RAD51AP1: variants seen among roughly 807,000 people sequenced by gnomAD.
The protein encoded by RAD51AP1 is RAD51-associated protein 1.
In RAD51AP1, 14 loss-of-function variants were observed where a neutral mutation model predicts 34.3. That is an observed-to-expected ratio of 0.41 (90% CI 0.27 to 0.64). The LOEUF is 0.64. Ranked by LOEUF, RAD51AP1 falls within the 30% of genes least tolerant of loss-of-function variation. The pLI, the probability that RAD51AP1 is intolerant of heterozygous loss-of-function variation, is 0.33. For missense variants in RAD51AP1, 348 were observed against 386.9 expected, an observed-to-expected ratio of 0.90 and a Z score of 0.84; for synonymous variants, 114 against 129.8, an observed-to-expected ratio of 0.88 and a Z score of 0.83.
chr12:4,548,345 A>C, intron 5 of RAD51AP1, among the ~76,000 whole-genome samples, 167 bp downstream of exon 5: 1 of 152,194 alleles, frequency 6.6e-6, no homozygotes, highest in South Asian at 2.1e-4. Context: ...GTCGTACTGC[A>C]GACACACATT....
At chr12:4,543,607 A>G (rs1391642018) in intron 2 of RAD51AP1, among the ~76,000 whole-genome samples, 156 bp from the exon 3 acceptor site, 3 of 152,212 alleles carry the variant, frequency 2.0e-5, no homozygotes, top group African/African-American at 7.2e-5. Context: ...AAATAGATAA[A>G]TGAGAGTAAA....
At chr12:4,555,887 A>G (rs1944578567) in intron 7 of RAD51AP1, among the ~76,000 whole-genome samples, 1 of 152,182 alleles carries the variant, frequency 6.6e-6, no homozygotes, top group South Asian at 2.1e-4. Context: ...ACTGAAGTCT[A>G]GTGACTAAAC....
intron 4 of RAD51AP1, 25 bp downstream of exon 4, chr12:4,546,443 G>A (rs755248214): frequency 2.6e-5 from 40 of 1,509,564 alleles, no homozygotes; most frequent in Middle Eastern, 3.4e-4. Context: ...TGTATATTTA[G>A]CTTTAAAACC....
At chr12:4,548,033 C>G in intron 4 of RAD51AP1, 59 bp from the exon 5 acceptor site, 3 of 1,481,638 alleles carry the variant, frequency 2.0e-6, no homozygotes, top group East Asian at 4.8e-5. Context: ...ACTAATTTTC[C>G]TATATCTAGA....
intron 5 of RAD51AP1, 144 bp from the exon 6 acceptor site, chr12:4,548,543 T>A (rs960228795): frequency 3.2e-6 from 3 of 949,034 alleles, no homozygotes; most frequent in Non-Finnish European, 3.1e-6. Flanking sequence ...TGACCCAGAT[T>A]GGGCTAATAG....
Position 4,543,779 on chromosome 12 carries a change from A to G in RAD51AP1, c.84A>G (p.Ala28=). Residue 28 remains alanine, a synonymous_variant, in exon 3 of 9, where the codon GCA becomes GCG. Transcript: ENST00000352618. ...CATGAATAGATGATTTTGTTTCTGC[A>G]ACTGTACCTTTAAACAAGAAATCCA... ...HSDSDDDFVS[A]TVPLNKKSRT... is the part of the protein sequence containing the mutation. 6.3e-7 allele frequency: 1 copy of G among 1,596,946 alleles called. No individual in the cohort carries two copies. Among genetic ancestry groups the G allele is most frequent in the Non-Finnish European group, 8.5e-7 (1 of 1,172,774 alleles).
At chr12:4,553,784 A>G (rs1175267916) in intron 7 of RAD51AP1, among the ~76,000 whole-genome samples, 3 of 152,156 alleles carry the variant, frequency 2.0e-5, no homozygotes, top group Non-Finnish European at 4.4e-5. Context: ...AGTATATGAT[A>G]GGTTATTGCA....
rs1944459499 is a variant in RAD51AP1 at position 4,540,583 on chromosome 12, A to G, written c.18-1301A>G. 2.0e-5 allele frequency among the ~76,000 whole-genome samples: 3 copies of G among 152,192 alleles called. No homozygotes were observed. In the South Asian group the frequency reaches 6.2e-4, roughly 31 times the overall value. ...AAAAAAAAAAAAATCATTTCAGTTA[A>G]GAATATGCTTGATGAAGTAGTGGAA... is the stretch of plus-strand genomic sequence containing the variant. On this transcript the variant is annotated intron_variant, in intron 1 of 8. Coordinates refer to ENST00000352618, the MANE Select transcript of RAD51AP1 (RefSeq NM_006479.5).
chr12:4,559,874 A>G lies in RAD51AP1; in HGVS notation c.*881A>G, dbSNP rs957812091. ...GAAAAACAATTGTAATGAATATTTTATATTTACATTGAGAATTTCAACTAG... is the reference window on the plus strand; with the variant it reads ...GAAAAACAATTGTAATGAATATTTTGTATTTACATTGAGAATTTCAACTAG... On this transcript the variant is annotated 3_prime_UTR_variant, in exon 9 of 9. Coordinates refer to ENST00000352618, the MANE Select transcript of RAD51AP1 (RefSeq NM_006479.5). The G allele has an allele frequency of 6.6e-6, 1 of 152,218 alleles. No homozygotes were observed. Among genetic ancestry groups the G allele is most frequent in the African/African-American group, 2.4e-5 (1 of 41,456 alleles). The allele number at this position is 152,218 out of a possible 1,614,324, so 9.4% of individuals were successfully genotyped here.
At chr12:4,547,756 C>T (rs1944516667) in intron 4 of RAD51AP1, among the ~76,000 whole-genome samples, 1 of 152,110 alleles carries the variant, frequency 6.6e-6, no homozygotes, top group African/African-American at 2.4e-5. Flanking sequence ...ATAAGCAATT[C>T]CTATGTGAGA....
At chr12:4,546,281 C>T (rs1190563570) in intron 3 of RAD51AP1, 28 bp from the exon 4 acceptor site, 2 of 1,439,430 alleles carry the variant, frequency 1.4e-6, no homozygotes, top group Non-Finnish European at 1.9e-6. Flanking sequence ...TTTTGAAGAA[C>T]TCATTATTAC....
chr12:4,548,605 C>G (rs1384258991), intron 5 of RAD51AP1, 82 bp from the exon 6 acceptor site: 2 of 1,456,774 alleles, frequency 1.4e-6, no homozygotes, highest in Non-Finnish European at 9.4e-7. Flanking sequence ...AAAACAATAG[C>G]TGTAATAGAG....
intron 6 of RAD51AP1, among the ~76,000 whole-genome samples, chr12:4,551,603 C>T (rs1160371866): frequency 6.6e-6 from 1 of 151,848 alleles, no homozygotes; most frequent in Non-Finnish European, 1.5e-5. Context: ...ACTGCTTCAG[C>T]AAGTCAGACA....
chr12:4,555,035 A>G (rs75185640), intron 7 of RAD51AP1, among the ~76,000 whole-genome samples: 3,415 of 152,296 alleles, frequency 0.022, 102 homozygotes, highest in African/African-American at 0.077. Context: ...TCCATCAGAC[A>G]GTGCTGATCT....
rs777884311 is a variant in RAD51AP1, at chr12:4,546,133, C to T, written c.210-176C>T. Among the ~76,000 whole-genome samples the T allele has an allele frequency of 1.9e-4, 29 of 150,218 alleles. 1 individual carries two copies. Among genetic ancestry groups the T allele is most frequent in the Non-Finnish European group, 4.0e-4 (27 of 67,720 alleles). On this transcript the variant is annotated intron_variant, in intron 3 of 8. Coordinates refer to ENST00000352618, the MANE Select transcript of RAD51AP1 (RefSeq NM_006479.5). ...CTCTTATTCTGTATGTAACATGATACTGTGACATTTTAGGAGTCTTATCTT... is the reference window on the plus strand; with the variant it reads ...CTCTTATTCTGTATGTAACATGATATTGTGACATTTTAGGAGTCTTATCTT...
intron 5 of RAD51AP1, 111 bp downstream of exon 5, chr12:4,548,289 C>G: frequency 1.5e-6 from 2 of 1,358,924 alleles, no homozygotes. Flanking sequence ...TGTCAAGACT[C>G]TCTTGATGTC....
At chr12:4,550,057 G>T (rs1408712358) in intron 6 of RAD51AP1, among the ~76,000 whole-genome samples, 7 of 152,182 alleles carry the variant, frequency 4.6e-5, no homozygotes, top group Non-Finnish European at 8.8e-5. Context: ...AGAGAAAATT[G>T]CAGAGAAGAT....
chr12:4,546,281 C>A, intron 3 of RAD51AP1, 28 bp from the exon 4 acceptor site: 1 of 1,439,426 alleles, frequency 6.9e-7, no homozygotes, highest in Non-Finnish European at 9.6e-7. Context: ...TTTTGAAGAA[C>A]TCATTATTAC....
chr12:4,545,147 G>A (rs1052001796), intron 3 of RAD51AP1: 2 of 419,232 alleles, frequency 4.8e-6, no homozygotes, highest in Non-Finnish European at 9.5e-6. Flanking sequence ...AAAAATGGAG[G>A]CAATCTAAAT....
Sources: gnomAD v4.1 joint callset for allele counts (sites outside exome capture counted in the v4.1 genomes callset) on GRCh38, gnomAD v4.1.1 for gene constraint, MANE v1.5 for transcripts, NCBI Gene and HGNC (gene_info 2026-07-23, HGNC 2026-07-21) for gene names.